The following LRP1B variants were observed in gnomAD, a reference collection of about 807,000 sequenced individuals.
LRP1B encodes the protein LDL receptor related protein 1B, also known as low-density lipoprotein receptor-related protein 1B.
LRP1B carries 217 observed loss-of-function variants against 556.6 expected under a neutral mutation model. The observed-to-expected ratio is 0.39, with a 90% CI of 0.35 to 0.44. LRP1B has a LOEUF of 0.44. Among genes scored for constraint, LRP1B ranks in the 20% least tolerant of loss-of-function variants. The pLI is 1.00. For missense variants in LRP1B, 5,053 were observed against 5,620.8 expected, an observed-to-expected ratio of 0.90 and a Z score of 3.23; for synonymous variants, 2,047 against 1,865.8, an observed-to-expected ratio of 1.10 and a Z score of -2.50.
chr2:140,597,515 C>A (rs539621041), intron 43 of LRP1B, among the ~76,000 whole-genome samples: 1 of 152,242 alleles, frequency 6.6e-6, no homozygotes, highest in South Asian at 2.1e-4. Flanking sequence ...TTCTATGCTG[C>A]ATTCTGAGTC....
intron 6 of LRP1B, among the ~76,000 whole-genome samples, chr2:141,189,353 C>T (rs2105196017): frequency 6.6e-6 from 1 of 152,066 alleles, no homozygotes; most frequent in African/African-American, 2.4e-5. Flanking sequence ...TGTTTAAAGA[C>T]ATTTCAGTTC....
At chr2:141,949,773 A>G (rs1220323047) in intron 1 of LRP1B, among the ~76,000 whole-genome samples, 1 of 152,194 alleles carries the variant, frequency 6.6e-6, no homozygotes, top group Non-Finnish European at 1.5e-5. Context: ...AAGAGTAAAA[A>G]CAAACAAATG....
intron 41 of LRP1B, among the ~76,000 whole-genome samples, chr2:140,699,019 A>T (rs933474577): frequency 6.6e-6 from 1 of 151,934 alleles, no homozygotes; most frequent in Non-Finnish European, 1.5e-5. Flanking sequence ...CAAGACTTCT[A>T]CTCTAATTTT....
intron 25 of LRP1B, among the ~76,000 whole-genome samples, chr2:140,869,000 C>A (rs1573822609): frequency 6.6e-6 from 1 of 152,090 alleles, no homozygotes; most frequent in East Asian, 1.9e-4. Flanking sequence ...TGGGTCGAAT[C>A]CATGAACCAG....
chr2:140,412,570 G>A (rs1685009510), intron 66 of LRP1B, among the ~76,000 whole-genome samples: 1 of 151,980 alleles, frequency 6.6e-6, no homozygotes, highest in African/African-American at 2.4e-5. Context: ...TTCAGGAAGG[G>A]AAAAGGAAAT....
chr2:140,349,208 C>A (rs78584580), intron 77 of LRP1B, among the ~76,000 whole-genome samples: 3,340 of 152,128 alleles, frequency 0.022, 46 homozygotes, highest in Non-Finnish European at 0.023. Context: ...AACTAAAGGA[C>A]AATCAATTTC....
chr2:140,447,288 G>A (rs1302546263), intron 63 of LRP1B, among the ~76,000 whole-genome samples: 1 of 151,924 alleles, frequency 6.6e-6, no homozygotes, highest in Non-Finnish European at 1.5e-5. Context: ...TGACCATACG[G>A]TCCAGCAATC....
At chr2:140,758,428 A>G (rs186427819) in intron 35 of LRP1B, among the ~76,000 whole-genome samples, 1 of 152,134 alleles carries the variant, frequency 6.6e-6, no homozygotes, top group East Asian at 1.9e-4. Flanking sequence ...ACTTTCTTTC[A>G]TGTTTTCTAA....
intron 7 of LRP1B, among the ~76,000 whole-genome samples, chr2:141,126,684 T>A (rs1007276385): frequency 6.6e-6 from 1 of 152,100 alleles, no homozygotes; most frequent in African/African-American, 2.4e-5. Context: ...TCATATCCAA[T>A]CAGCCACTCT....
At chr2:141,275,140 C>T (rs1353939501) in intron 3 of LRP1B, among the ~76,000 whole-genome samples, 2 of 152,120 alleles carry the variant, frequency 1.3e-5, no homozygotes, top group Non-Finnish European at 2.9e-5. Context: ...GTCTAAACTA[C>T]AACAAATACA....
At chr2:140,614,749 C>T (rs553865320) in intron 41 of LRP1B, among the ~76,000 whole-genome samples, 2 of 152,192 alleles carry the variant, frequency 1.3e-5, no homozygotes, top group Non-Finnish European at 2.9e-5. Flanking sequence ...TAGAATCTCC[C>T]ATATAACATT....
intron 41 of LRP1B, among the ~76,000 whole-genome samples, chr2:140,695,350 T>C (rs1337156043): frequency 2.6e-5 from 4 of 152,096 alleles, no homozygotes; most frequent in South Asian, 2.1e-4. Flanking sequence ...AGGCAGTTTC[T>C]GTGGCCTCTA....
Position 140,350,870 on chromosome 2 carries a change from T to C in LRP1B, c.11819A>G (p.Gln3940Arg). 6.2e-7 allele frequency: 1 copy of C among 1,610,182 alleles called. No individual in the cohort carries two copies. Among genetic ancestry groups the C allele is most frequent in the Non-Finnish European group, 8.5e-7 (1 of 1,177,238 alleles). ...GTAGAAAATTCCGCCTGGATTAAAC[T>C]GAGTACTCCAAATAATCATATCTCT... ...YQRDMIIWST[Q>R]FNPGGIFYKR... is the part of the protein sequence containing the mutation. Residue 3940 changes from glutamine to arginine, a missense_variant, in exon 77 of 91, where the codon CAG (glutamine) becomes CGG (arginine). Around this residue, in one of 5 missense-constraint regions of LRP1B, gnomAD observed 599 missense variants for 648.4 expected, o/e 0.92. Coordinates refer to ENST00000389484, the MANE Select transcript of LRP1B (RefSeq NM_018557.3).
chr2:141,774,048 C>T (rs1311641302), intron 2 of LRP1B, among the ~76,000 whole-genome samples: 1 of 152,198 alleles, frequency 6.6e-6, no homozygotes, highest in Non-Finnish European at 1.5e-5. Context: ...TTTTATCATG[C>T]ATCTCTTTTT....
intron 20 of LRP1B, among the ~76,000 whole-genome samples, chr2:140,944,530 C>T (rs1445221569): frequency 6.6e-6 from 1 of 152,110 alleles, no homozygotes; most frequent in East Asian, 1.9e-4. Context: ...TACTAGCAAA[C>T]TGAGTCTAGT....
At chr2:141,686,843 G>T (rs542829969) in intron 2 of LRP1B, among the ~76,000 whole-genome samples, 1 of 151,986 alleles carries the variant, frequency 6.6e-6, no homozygotes, top group South Asian at 2.1e-4. Flanking sequence ...TATAGGAAGA[G>T]GAAGACAGAC....
chr2:140,923,905 T>C (rs1694813345), intron 20 of LRP1B, among the ~76,000 whole-genome samples: 1 of 152,010 alleles, frequency 6.6e-6, no homozygotes, highest in South Asian at 2.1e-4. Context: ...ATACAGATGT[T>C]TGGCAGTTTA....
intron 21 of LRP1B, among the ~76,000 whole-genome samples, chr2:140,914,172 C>T (rs1361006030): frequency 1.3e-5 from 2 of 152,012 alleles, no homozygotes; most frequent in Non-Finnish European, 2.9e-5. Context: ...GAAGCCAAAA[C>T]TGTGGATAGA....
rs143100411 is a variant in LRP1B, at chr2:141,239,684, A to G, written c.592+7542T>C. On this transcript the variant is annotated intron_variant, in intron 5 of 90. Transcript: ENST00000389484. The stretch of plus-strand genomic sequence containing the variant: ...AGCGATTAGTTCTAGATTCAAATAG[A>G]CTAGTAGAGGTAATGGAGTTTGGGT... Among the ~76,000 whole-genome samples, 431 of 152,164 alleles carry G rather than the reference A, an allele frequency of 2.8e-3. 2 individuals carry two copies. Among genetic ancestry groups the G allele is most frequent in the African/African-American group, 9.8e-3 (407 of 41,552 alleles).
Sources: gnomAD v4.1 joint callset for allele counts (sites outside exome capture counted in the v4.1 genomes callset) on GRCh38, gnomAD v4.1.1 for gene constraint, gnomAD v4.1.1 regional missense constraint, MANE v1.5 for transcripts, NCBI Gene and HGNC (gene_info 2026-07-23, HGNC 2026-07-21) for gene names.